Variants in GLIS1 observed in about 807,000 individuals in gnomAD.
The protein encoded by GLIS1 is zinc finger protein GLIS1.
Under a neutral mutation model 63.8 loss-of-function variants are expected in GLIS1, and 24 were observed. The ratio of observed to expected loss-of-function variants is 0.38; its 90% CI spans 0.27 to 0.53. The LOEUF is 0.53. GLIS1 is among the 20% of genes least tolerant of loss of function. GLIS1 has a pLI of 0.85. For missense variants in GLIS1, 1,036 were observed against 1,074.1 expected (o/e 0.96, Z 0.50); for synonymous variants, 450 against 482.5 (o/e 0.93, Z 0.88).
At chr1:53,507,156 A>G (rs1447381233) in intron 10 of GLIS1, among the ~76,000 whole-genome samples, 1 of 152,018 alleles carries the variant, frequency 6.6e-6, no homozygotes, top group Non-Finnish European at 1.5e-5. Context: ...GGACCAGCTC[A>G]CCCCCACCCT....
At chr1:53,722,874 T>C (rs1232694254) in intron 2 of GLIS1, among the ~76,000 whole-genome samples, 1 of 149,356 alleles carries the variant, frequency 6.7e-6, no homozygotes, top group African/African-American at 2.5e-5. Context: ...GGTTCACACC[T>C]GTAATCCCAG....
chr1:53,711,446 A>G (rs900837160), intron 2 of GLIS1, among the ~76,000 whole-genome samples: 1 of 152,172 alleles, frequency 6.6e-6, no homozygotes, highest in African/African-American at 2.4e-5. Context: ...ATAAATAAAT[A>G]AACAAATAAA....
At chr1:53,626,236 T>C (rs1339838940) in intron 2 of GLIS1, among the ~76,000 whole-genome samples, 1 of 152,204 alleles carries the variant, frequency 6.6e-6, no homozygotes, top group Non-Finnish European at 1.5e-5. Context: ...GTGGGGTTGC[T>C]AATCCAGCTA....
intron 2 of GLIS1, among the ~76,000 whole-genome samples, chr1:53,709,395 CATATACATATATATAT>C (rs1557534409): frequency 3.6e-3 from 79 of 22,038 alleles, no homozygotes; most frequent in African/African-American, 9.9e-3. Flanking sequence ...CATATATATA[CATATACATATATATAT>C]ACACACACAC....
At chr1:53,681,965 T>C (rs1009839100) in intron 2 of GLIS1, among the ~76,000 whole-genome samples, 1 of 152,208 alleles carries the variant, frequency 6.6e-6, no homozygotes, top group African/African-American at 2.4e-5. Context: ...GCTGAGTTTA[T>C]ACTACACTAA....
chr1:53,702,904 G>T (rs1646539117), intron 2 of GLIS1, among the ~76,000 whole-genome samples: 1 of 152,316 alleles, frequency 6.6e-6, no homozygotes, highest in East Asian at 1.9e-4. Context: ...ACCGTGGCCT[G>T]TCCTCATGAG....
At chr1:53,548,164 G>T (rs1368236611) in intron 4 of GLIS1, among the ~76,000 whole-genome samples, 1 of 152,204 alleles carries the variant, frequency 6.6e-6, no homozygotes, top group Non-Finnish European at 1.5e-5. Context: ...GGCCAAAGAT[G>T]ATCTCACAGG....
intron 2 of GLIS1, among the ~76,000 whole-genome samples, chr1:53,612,303 G>A (rs760697273): frequency 9.2e-5 from 14 of 151,888 alleles, no homozygotes; most frequent in East Asian, 1.9e-4. Context: ...GCAGTGGCGC[G>A]ATCTCGGCTC....
intron 2 of GLIS1, among the ~76,000 whole-genome samples, chr1:53,736,369 T>G (rs1646912767): frequency 6.6e-6 from 1 of 152,160 alleles, no homozygotes; most frequent in African/African-American, 2.4e-5. Context: ...TCGGGAGAGC[T>G]GTTTGCTAGG....
intron 4 of GLIS1, among the ~76,000 whole-genome samples, chr1:53,593,798 G>A (rs1194012301): frequency 6.6e-6 from 1 of 152,234 alleles, no homozygotes; most frequent in African/African-American, 2.4e-5. Context: ...GGCTGGCCAC[G>A]CCTGTTTTTC....
At chr1:53,540,683 G>C (rs1052356516) in intron 4 of GLIS1, among the ~76,000 whole-genome samples, 3 of 152,158 alleles carry the variant, frequency 2.0e-5, no homozygotes, top group Non-Finnish European at 2.9e-5. Flanking sequence ...CCCCGGCCCA[G>C]CCACCTCCCT....
intron 2 of GLIS1, among the ~76,000 whole-genome samples, chr1:53,697,583 G>A (rs913830388): frequency 2.0e-5 from 3 of 152,194 alleles, no homozygotes; most frequent in African/African-American, 7.2e-5. Flanking sequence ...CTCAGGGCTC[G>A]AGAAGCATCC....
At chr1:53,684,010 T>A (rs1218179624) in intron 2 of GLIS1, among the ~76,000 whole-genome samples, 1 of 152,074 alleles carries the variant, frequency 6.6e-6, no homozygotes, top group Non-Finnish European at 1.5e-5. Flanking sequence ...TTTCCCCAAA[T>A]TGGACATTTA....
At chr1:53,582,856 G>A (rs1286173587) in intron 4 of GLIS1, among the ~76,000 whole-genome samples, 1 of 152,226 alleles carries the variant, frequency 6.6e-6, no homozygotes, top group Non-Finnish European at 1.5e-5. Flanking sequence ...GCCTAGCTGA[G>A]GCACCTTCTG....
chr1:53,648,244 A>G (rs1414292113), intron 2 of GLIS1, among the ~76,000 whole-genome samples: 4 of 152,232 alleles, frequency 2.6e-5, no homozygotes, highest in African/African-American at 4.8e-5. Flanking sequence ...AATGGTCAAA[A>G]AATATATGAA....
At chr1:53,525,620 C>A (rs978677184) in intron 5 of GLIS1, among the ~76,000 whole-genome samples, 2 of 151,552 alleles carry the variant, frequency 1.3e-5, no homozygotes, top group African/African-American at 4.9e-5. Flanking sequence ...CCTGCCCAGG[C>A]CCCACCCTGC....
chr1:53,576,650 G>A (rs1484809445), intron 4 of GLIS1, among the ~76,000 whole-genome samples: 2 of 152,136 alleles, frequency 1.3e-5, no homozygotes, highest in African/African-American at 4.8e-5. Flanking sequence ...AAAATGCATG[G>A]ATCAGCTCCG....
At chr1:53,661,914 G>A (rs543553440) in intron 2 of GLIS1, among the ~76,000 whole-genome samples, 5 of 152,300 alleles carry the variant, frequency 3.3e-5, no homozygotes, top group East Asian at 1.9e-4. Flanking sequence ...TGAGGTCTCC[G>A]CTGGGCTGTG....
intron 3 of GLIS1, 129 bp from the exon 4 acceptor site, chr1:53,595,119 G>T: frequency 1.4e-6 from 1 of 730,166 alleles, no homozygotes; most frequent in Non-Finnish European, 2.0e-6. Context: ...AGAGGCTGAG[G>T]GCTAGAGGCA....
Sources: gnomAD v4.1 joint callset for allele counts (sites outside exome capture counted in the v4.1 genomes callset) on GRCh38, gnomAD v4.1.1 for gene constraint, MANE v1.5 for transcripts, NCBI Gene and HGNC (gene_info 2026-07-23, HGNC 2026-07-21) for gene names.